The following CIMAP2 variants were observed in gnomAD, a reference collection of about 807,000 sequenced individuals.
CIMAP2 encodes ciliary microtubule associated protein 2.
At chr1:54,808,007 C>T in the CIMAP2 span, 1 of 1,570,288 alleles carries the variant, frequency 6.4e-7, no homozygotes, top group Non-Finnish European at 8.6e-7. Flanking sequence ...CGAGGACTCA[C>T]TGGGGTAGGT....
the CIMAP2 span, among the ~76,000 whole-genome samples, chr1:54,837,866 C>A: frequency 4.0e-5 from 6 of 151,532 alleles, no homozygotes; most frequent in Admixed American, 4.0e-4. Flanking sequence ...GATTTTCTGT[C>A]CCTAATCTAT....
the CIMAP2 span, chr1:54,807,065 G>GC: frequency 6.2e-7 from 1 of 1,613,840 alleles, no homozygotes; most frequent in Non-Finnish European, 8.5e-7. Flanking sequence ...CATACTCCAC[G>GC]CGTTATTCTA....
At chr1:54,833,576 CAT>C in the CIMAP2 span, among the ~76,000 whole-genome samples, 1 of 152,204 alleles carries the variant, frequency 6.6e-6, no homozygotes, top group African/African-American at 2.4e-5. Flanking sequence ...GGATTTAACT[CAT>C]GTGTGGGAAA....
the CIMAP2 span, among the ~76,000 whole-genome samples, chr1:54,816,096 C>G: frequency 1.3e-5 from 2 of 152,218 alleles, no homozygotes; most frequent in African/African-American, 4.8e-5. Flanking sequence ...CCAGATGACC[C>G]TACTGCTACC....
chr1:54,823,947 T>C, the CIMAP2 span, among the ~76,000 whole-genome samples: 4 of 150,364 alleles, frequency 2.7e-5, no homozygotes, highest in South Asian at 8.3e-4. Flanking sequence ...AGTTTTTTTG[T>C]TTGTTTGTTT....
the CIMAP2 span, among the ~76,000 whole-genome samples, chr1:54,822,371 C>A: frequency 3.4e-5 from 5 of 145,442 alleles, no homozygotes; most frequent in Non-Finnish European, 6.0e-5. Context: ...TTTTGCTGAT[C>A]CTTTGTATTG....
chr1:54,829,315 C>T, the CIMAP2 span, among the ~76,000 whole-genome samples: 1 of 152,166 alleles, frequency 6.6e-6, no homozygotes, highest in Non-Finnish European at 1.5e-5. Flanking sequence ...AATTTATACC[C>T]TGGGGGACCT....
chr1:54,841,138 G>A, the CIMAP2 span, among the ~76,000 whole-genome samples: 1 of 152,228 alleles, frequency 6.6e-6, no homozygotes, highest in Non-Finnish European at 1.5e-5. Flanking sequence ...ACAAATATTT[G>A]TTAAGCATGG....
At chr1:54,818,808 G>A in the CIMAP2 span, among the ~76,000 whole-genome samples, 19 of 152,168 alleles carry the variant, frequency 1.2e-4, no homozygotes, top group African/African-American at 3.6e-4. Context: ...GCCCAGGCTG[G>A]TCTTGAACTC....
chr1:54,813,683 G>GCCTC, the CIMAP2 span: 1 of 1,059,446 alleles, frequency 9.4e-7, no homozygotes, highest in Non-Finnish European at 1.3e-6. Flanking sequence ...CCGGCCTCCG[G>GCCTC]CCTCCGGGAT....
the CIMAP2 span, among the ~76,000 whole-genome samples, chr1:54,838,433 G>T: frequency 6.6e-6 from 1 of 151,672 alleles, no homozygotes; most frequent in African/African-American, 2.4e-5. Flanking sequence ...AGTGAGCTGA[G>T]ATCCCGCCAC....
the CIMAP2 span, among the ~76,000 whole-genome samples, chr1:54,815,302 A>G: frequency 6.6e-6 from 1 of 152,260 alleles, no homozygotes; most frequent in Non-Finnish European, 1.5e-5. Flanking sequence ...CTGATACAGT[A>G]GGCCTGGGTT....
At chr1:54,819,063 G>A in the CIMAP2 span, among the ~76,000 whole-genome samples, 1 of 152,160 alleles carries the variant, frequency 6.6e-6, no homozygotes, top group Admixed American at 6.5e-5. Context: ...GTCAGTCACT[G>A]TGAGTGATTG....
At chr1:54,811,767 C>CGGGGGGGGGGGGCG in the CIMAP2 span, 11 of 1,088,156 alleles carry the variant, frequency 1.0e-5, no homozygotes, top group Non-Finnish European at 1.5e-5. Flanking sequence ...TTCTGACAGC[C>CGGGGGGGGGGGGCG]TCCATGCCCC....
At chr1:54,812,338 G>C in the CIMAP2 span, 2 of 1,251,188 alleles carry the variant, frequency 1.6e-6, no homozygotes, top group Non-Finnish European at 2.2e-6. Flanking sequence ...GCCAGGGCTG[G>C]ATCCGGTTTC....
chr1:54,824,149 G>A, the CIMAP2 span, among the ~76,000 whole-genome samples: 3 of 152,112 alleles, frequency 2.0e-5, no homozygotes, highest in Non-Finnish European at 4.4e-5. Context: ...AGCCTCCCAA[G>A]TAGCTGGGAG....
chr1:54,832,176 A>G, the CIMAP2 span, among the ~76,000 whole-genome samples: 3 of 152,238 alleles, frequency 2.0e-5, no homozygotes, highest in Non-Finnish European at 2.9e-5. Flanking sequence ...CCAAAATAAC[A>G]GTAACAAAAT....
chr1:54,821,624 T>C, the CIMAP2 span, among the ~76,000 whole-genome samples: 1 of 152,158 alleles, frequency 6.6e-6, no homozygotes, highest in East Asian at 1.9e-4. Flanking sequence ...ACCTCCTTGG[T>C]AAATTTATTC....
chr1:54,811,183 G>A, the CIMAP2 span, among the ~76,000 whole-genome samples: 1 of 152,198 alleles, frequency 6.6e-6, no homozygotes, highest in Non-Finnish European at 1.5e-5. Flanking sequence ...GCAGAGCCAG[G>A]ATCTGAACCC....
Sources: allele counts gnomAD v4.1 joint callset (sites outside exome capture counted in the v4.1 genomes callset), GRCh38; gene constraint gnomAD v4.1.1; transcripts MANE v1.5; gene names NCBI Gene and HGNC (gene_info 2026-07-23, HGNC 2026-07-21).